The following BRAF variants were observed in gnomAD, a reference collection of about 807,000 sequenced individuals.
BRAF encodes the protein serine/threonine-protein kinase B-raf.
BRAF carries 16 observed loss-of-function variants against 104.6 expected under a neutral mutation model. The observed-to-expected ratio is 0.15, with a 90% confidence interval of 0.10 to 0.23. The LOEUF (loss-of-function observed/expected upper bound fraction) is 0.23. BRAF is among the 10% of genes least tolerant of loss of function. The pLI, the probability that BRAF is intolerant of heterozygous loss-of-function variation, is 1.00. For missense variants in BRAF, 541 were observed against 937.3 expected (o/e 0.58, Z 5.52); for synonymous variants, 310 against 341.6 (o/e 0.91, Z 1.02).
chr7:140,851,718 C>A (rs1410475820), intron 1 of BRAF, among the ~76,000 whole-genome samples: 1 of 152,196 alleles, frequency 6.6e-6, no homozygotes, highest in African/African-American at 2.4e-5. Flanking sequence ...GTCCACTCTT[C>A]CCCACAATCT....
rs549539032 is a variant in BRAF at position 140,802,471 on chromosome 7, A to AT, written c.712-912dup. Among the ~76,000 whole-genome samples the AT allele has an allele frequency of 3.0e-4, 45 of 150,962 alleles. 1 individual carries two copies. In the South Asian group the frequency reaches 9.0e-3, roughly 30 times the overall value. On this transcript the variant is annotated intron_variant, in intron 5 of 19. Transcript: ENST00000644969. ...GCCACTAGGCCTGGCTAATTTTCCT[A>AT]TTTTTTATTAGAGGAAGGGTTTCAC...
Position 140,834,393 on chromosome 7 carries a change from A to C in BRAF, c.504+216T>G, listed in dbSNP as rs567209360. 4.3e-6 allele frequency: 3 copies of C among 696,172 alleles called. No individual in the cohort carries two copies. In the South Asian group the frequency reaches 6.1e-5, roughly 14 times the overall value. The allele number at this position is 696,172 out of a possible 1,614,324, so 43.1% of individuals were successfully genotyped here. A position where few individuals can be genotyped will look rare whatever the true frequency, so the allele number is the denominator to read the frequency against. ...GGTTCAAGTTTGGCAGACAGGTTTAAATGTCAAATCCAACACTAGAGACAA... is the reference window on the plus strand; with the variant it reads ...GGTTCAAGTTTGGCAGACAGGTTTACATGTCAAATCCAACACTAGAGACAA... On this transcript the variant is annotated intron_variant, in intron 3 of 19. Coordinates refer to ENST00000644969, the MANE Select transcript of BRAF (RefSeq NM_001374258.1).
At chr7:140,864,152 TGTTAAGCAACCATA>T (rs1275198954) in intron 1 of BRAF, among the ~76,000 whole-genome samples, 1 of 152,122 alleles carries the variant, frequency 6.6e-6, no homozygotes, top group Non-Finnish European at 1.5e-5. Flanking sequence ...ACTATGATTG[TGTTAAGCAACCATA>T]GTTAAGCAAG....
intron 1 of BRAF, among the ~76,000 whole-genome samples, chr7:140,865,391 T>G (rs1810850728): frequency 6.6e-6 from 1 of 152,106 alleles, no homozygotes; most frequent in Non-Finnish European, 1.5e-5. Context: ...GCAAACGCAT[T>G]TTTAATTGGG....
chr7:140,887,528 T>G (rs761671504), intron 1 of BRAF, among the ~76,000 whole-genome samples: 11 of 152,134 alleles, frequency 7.2e-5, no homozygotes, highest in Non-Finnish European at 1.5e-4. Context: ...ACTTTTCCCT[T>G]TTGGGTAATA....
chr7:140,787,443 T>A, intron 9 of BRAF, 105 bp downstream of exon 9: 1 of 1,273,080 alleles, frequency 7.9e-7, no homozygotes, highest in Non-Finnish European at 1.1e-6. Context: ...CTCTACACAT[T>A]TTTCTCTGTG....
chr7:140,779,563 T>C (rs1466114476), intron 12 of BRAF, among the ~76,000 whole-genome samples: 3 of 152,228 alleles, frequency 2.0e-5, no homozygotes, highest in African/African-American at 7.2e-5. Context: ...CCAATAAGCA[T>C]TTCCTTTGAG....
chr7:140,736,958 G>C (rs1479873485), intron 18 of BRAF, among the ~76,000 whole-genome samples: 1 of 152,040 alleles, frequency 6.6e-6, no homozygotes, highest in Non-Finnish European at 1.5e-5. Context: ...GCTGAGGTGA[G>C]AGGATCGCTT....
At chr7:140,898,831 A>C (rs1293095645) in intron 1 of BRAF, among the ~76,000 whole-genome samples, 2 of 152,172 alleles carry the variant, frequency 1.3e-5, no homozygotes, top group Non-Finnish European at 2.9e-5. Flanking sequence ...AATACAGTTA[A>C]CTGCATTTGT....
intron 1 of BRAF, among the ~76,000 whole-genome samples, chr7:140,905,310 T>C (rs1816181607): frequency 6.6e-6 from 1 of 152,256 alleles, no homozygotes; most frequent in Admixed American, 6.5e-5. Context: ...CTATAAATAT[T>C]CTAAAGCTAT....
intron 14 of BRAF, among the ~76,000 whole-genome samples, chr7:140,772,965 A>T (rs1197573330): frequency 1.3e-5 from 2 of 152,126 alleles, no homozygotes; most frequent in Non-Finnish European, 1.5e-5. Flanking sequence ...AAAGGACATA[A>T]TTTCCAGTGT....
intron 3 of BRAF, among the ~76,000 whole-genome samples, chr7:140,821,294 A>ATTTTT (rs58690200): frequency 2.7e-5 from 2 of 73,920 alleles, no homozygotes; most frequent in Admixed American, 1.6e-4. Flanking sequence ...TCTGAATTAC[A>ATTTTT]TTTTTTTTTT....
At chr7:140,801,258 C>T (rs1201834384) in intron 6 of BRAF, 154 bp downstream of exon 6, 2 of 738,292 alleles carry the variant, frequency 2.7e-6, no homozygotes, top group Non-Finnish European at 4.5e-6. Flanking sequence ...ACTGTCCATT[C>T]CACATATTAT....
At chr7:140,779,569 T>C (rs1800653447) in intron 12 of BRAF, among the ~76,000 whole-genome samples, 1 of 152,224 alleles carries the variant, frequency 6.6e-6, no homozygotes, top group Non-Finnish European at 1.5e-5. Flanking sequence ...AGCATTTCCT[T>C]TGAGCATCAT....
intron 1 of BRAF, among the ~76,000 whole-genome samples, chr7:140,921,257 G>A (rs1230527892): frequency 6.6e-6 from 1 of 151,802 alleles, no homozygotes; most frequent in African/African-American, 2.4e-5. Context: ...ATACCATATG[G>A]CCATAGAAAA....
chr7:140,871,446 T>G (rs1026743342), intron 1 of BRAF, among the ~76,000 whole-genome samples: 1 of 152,150 alleles, frequency 6.6e-6, no homozygotes, highest in Non-Finnish European at 1.5e-5. Flanking sequence ...CCATATTCTC[T>G]AAAGCAAGGA....
Position 140,725,624 on chromosome 7 carries a change from T to TA in BRAF, c.*869dup, listed in dbSNP as rs1409230487. 9.5e-7 allele frequency: 1 copy of TA among 1,057,732 alleles called. No homozygotes were observed. Among genetic ancestry groups the TA allele is most frequent in the Non-Finnish European group, 1.1e-6 (1 of 874,686 alleles). 65.5% of individuals were successfully genotyped at this position (1,057,732 alleles called of 1,614,324 possible). A position where few individuals can be genotyped will look rare whatever the true frequency, so the allele number is the denominator to read the frequency against. On this transcript the variant is annotated 3_prime_UTR_variant, in exon 20 of 20. Coordinates refer to ENST00000644969, the MANE Select transcript of BRAF (RefSeq NM_001374258.1). ...TTGTGCCCTGGACAAAGTAGCCGCA[T>TA]AAGTAGTTGGTGACTGGAAGAGCAT...
the BRAF span, among the ~76,000 whole-genome samples, chr7:140,713,457 T>A: frequency 3.9e-5 from 6 of 152,326 alleles, no homozygotes; most frequent in South Asian, 1.2e-3. Context: ...GGTTTTCAGC[T>A]CCATCAGGTC....
chr7:140,846,096 T>C (rs560035966), intron 2 of BRAF, among the ~76,000 whole-genome samples: 8 of 152,150 alleles, frequency 5.3e-5, no homozygotes, highest in African/African-American at 1.9e-4. Context: ...CAGAAAAAGG[T>C]GTGGCAACTC....
Sources: gnomAD v4.1 joint callset for allele counts (sites outside exome capture counted in the v4.1 genomes callset) on GRCh38, gnomAD v4.1.1 for gene constraint, MANE v1.5 for transcripts, NCBI Gene and HGNC (gene_info 2026-07-23, HGNC 2026-07-21) for gene names.